Variants in ANKRD30B observed in about 807,000 individuals in gnomAD.
ANKRD30B encodes ankyrin repeat domain 30B.
ANKRD30B carries 144 observed loss-of-function variants against 202.2 expected under a neutral mutation model. That is an observed-to-expected ratio of 0.71 (90% CI 0.62 to 0.82). The LOEUF (loss-of-function observed/expected upper bound fraction) is 0.82, where lower values mean the gene tolerates loss of function less well. Ranked by LOEUF, ANKRD30B falls within the 40% of genes least tolerant of loss-of-function variation. ANKRD30B has a pLI of 0.00. For synonymous variants in ANKRD30B, 508 were observed against 561.3 expected (o/e 0.91, Z 1.34); for missense variants, 1,487 against 1,669.1 (o/e 0.89, Z 1.90).
At chr18:14,763,541 C>G (rs934697289) in intron 6 of ANKRD30B, 145 bp from the exon 7 acceptor site, 2 of 1,187,140 alleles carry the variant, frequency 1.7e-6, no homozygotes, top group African/African-American at 1.5e-5. Context: ...CAGAGCAAGA[C>G]TCCATCAAAA....
rs189024177 is a variant in ANKRD30B at position 14,791,925 on chromosome 18, A to T, written c.1825+434A>T. 6.2e-3 allele frequency among the ~76,000 whole-genome samples: 942 copies of T among 152,268 alleles called. 15 individuals carry two copies. Among genetic ancestry groups the T allele is most frequent in the African/African-American group, 0.021 (866 of 41,538 alleles). ...TGTAAAGTGACTTTCTAATGCCAAA[A>T]CATACCAGAGAATTACAGCAAAAAT... On this transcript the variant is annotated intron_variant, in intron 16 of 43. Coordinates refer to ENST00000690538, the MANE Select transcript of ANKRD30B (RefSeq NM_001367607.2).
chr18:14,857,523 C>T (rs1972130003), downstream of ANKRD30B, among the ~76,000 whole-genome samples: 1 of 2,204 alleles, frequency 4.5e-4, no homozygotes, highest in African/African-American at 5.0e-4. Context: ...ACGGGGAGAC[C>T]AGGAAGAGGC....
chr18:14,939,035 G>T, the ANKRD30B span, among the ~76,000 whole-genome samples: 1 of 152,174 alleles, frequency 6.6e-6, no homozygotes, highest in Admixed American at 6.5e-5. Context: ...ATGAAAACAC[G>T]TCTGCAGGAG....
intron 15 of ANKRD30B, among the ~76,000 whole-genome samples, chr18:14,789,201 A>G (rs1197616544): frequency 6.6e-6 from 1 of 152,174 alleles, no homozygotes; most frequent in Non-Finnish European, 1.5e-5. Flanking sequence ...TCTTTTGAGA[A>G]GTGTCTGTTC....
intron 15 of ANKRD30B, among the ~76,000 whole-genome samples, chr18:14,791,147 C>T (rs1239531479): frequency 6.6e-6 from 1 of 151,982 alleles, no homozygotes; most frequent in Non-Finnish European, 1.5e-5. Context: ...GGAATTTATC[C>T]ATTTCTTCTA....
At chr18:14,853,313 G>A (rs960053929) in intron 42 of ANKRD30B, among the ~76,000 whole-genome samples, 3 of 152,162 alleles carry the variant, frequency 2.0e-5, no homozygotes, top group South Asian at 2.1e-4. Flanking sequence ...GAAGTGAGTA[G>A]AGGAGAGAAA....
intron 39 of ANKRD30B, among the ~76,000 whole-genome samples, chr18:14,844,518 A>G (rs1971551044): frequency 6.6e-6 from 1 of 152,210 alleles, no homozygotes; most frequent in Non-Finnish European, 1.5e-5. Flanking sequence ...AGCCTTTGCT[A>G]TTGTAAATAG....
intron 8 of ANKRD30B, among the ~76,000 whole-genome samples, chr18:14,770,887 C>G (rs1346723102): frequency 1.3e-5 from 2 of 152,032 alleles, no homozygotes; most frequent in Non-Finnish European, 2.9e-5. Context: ...TTCTTTCACC[C>G]CAAATCTCAC....
At chr18:14,773,839 A>G (rs1452875822) in intron 9 of ANKRD30B, among the ~76,000 whole-genome samples, 1 of 152,100 alleles carries the variant, frequency 6.6e-6, no homozygotes, top group Non-Finnish European at 1.5e-5. Flanking sequence ...TAATTTTAGT[A>G]GAGACAGGGT....
rs1211022118 is a variant in ANKRD30B at position 14,820,552 on chromosome 18, A to G, written c.2642-1931A>G. The stretch of plus-strand genomic sequence containing the variant: ...GATACATCCCATCAATACCTAATTT[A>G]TTGAGTGTTTTTAGCATGAAGGGTT... On this transcript the variant is annotated intron_variant, in intron 30 of 43. Transcript: ENST00000690538. 4.6e-5 allele frequency among the ~76,000 whole-genome samples: 7 copies of G among 152,156 alleles called. No individual in the cohort carries two copies. In the East Asian group the frequency reaches 1.4e-3, roughly 29 times the overall value.
At chr18:14,880,778 G>T in the ANKRD30B span, among the ~76,000 whole-genome samples, 24 of 151,696 alleles carry the variant, frequency 1.6e-4, no homozygotes, top group Non-Finnish European at 8.8e-5. Context: ...CACTGTAGAG[G>T]TCTTTTGATT....
the ANKRD30B span, among the ~76,000 whole-genome samples, chr18:14,863,376 A>G: frequency 2.0e-5 from 3 of 152,078 alleles, no homozygotes; most frequent in Non-Finnish European, 4.4e-5. Context: ...GGTTGTTTAA[A>G]ACAGCCTGCC....
At chr18:14,918,765 G>T in the ANKRD30B span, among the ~76,000 whole-genome samples, 1 of 152,166 alleles carries the variant, frequency 6.6e-6, no homozygotes, top group Admixed American at 6.5e-5. Flanking sequence ...ATTTCCTAAG[G>T]TCTGAATGTT....
At chr18:14,843,374 AG>A (rs1009134732) in intron 39 of ANKRD30B, among the ~76,000 whole-genome samples, 15 of 152,270 alleles carry the variant, frequency 9.9e-5, no homozygotes, top group African/African-American at 3.6e-4. Flanking sequence ...AGATTCAAGA[AG>A]GTGTATTTTT....
chr18:14,850,878 T>C (rs1237687316), intron 41 of ANKRD30B, among the ~76,000 whole-genome samples: 1 of 151,892 alleles, frequency 6.6e-6, no homozygotes, highest in African/African-American at 2.4e-5. Flanking sequence ...GTCCTGGATG[T>C]AGACTCAGAA....
At chr18:14,819,320 C>A (rs1970286493) in intron 30 of ANKRD30B, among the ~76,000 whole-genome samples, 1 of 151,732 alleles carries the variant, frequency 6.6e-6, no homozygotes, top group Non-Finnish European at 1.5e-5. Flanking sequence ...GTTGCCTGTT[C>A]ACTCTGATGG....
chr18:14,862,699 G>A, the ANKRD30B span, among the ~76,000 whole-genome samples: 46 of 152,184 alleles, frequency 3.0e-4, no homozygotes, highest in South Asian at 8.3e-4. Flanking sequence ...GTAGAGCCAC[G>A]GGAAGCTTTC....
intron 30 of ANKRD30B, among the ~76,000 whole-genome samples, chr18:14,819,145 C>T (rs1049997321): frequency 6.7e-6 from 1 of 149,552 alleles, no homozygotes; most frequent in Admixed American, 6.6e-5. Flanking sequence ...TGTTTTTTGG[C>T]TGCATAAATG....
the ANKRD30B span, among the ~76,000 whole-genome samples, chr18:14,890,600 C>A: frequency 2.6e-5 from 4 of 151,278 alleles, no homozygotes; most frequent in African/African-American, 7.3e-5. Flanking sequence ...GGAATTTGAA[C>A]CCAGACATTC....
Sources: allele counts gnomAD v4.1 joint callset (sites outside exome capture counted in the v4.1 genomes callset), GRCh38; gene constraint gnomAD v4.1.1; transcripts MANE v1.5; gene names NCBI Gene and HGNC (gene_info 2026-07-23, HGNC 2026-07-21).